Variants in SCUBE1 observed in about 807,000 individuals in gnomAD.
SCUBE1 encodes the protein signal peptide, CUB domain and EGF like domain containing 1.
In SCUBE1, 59 loss-of-function variants were observed where a neutral mutation model predicts 124.4. The ratio of observed to expected loss-of-function variants is 0.47; its 90% CI spans 0.38 to 0.59. The LOEUF is 0.59. Among genes scored for constraint, SCUBE1 ranks in the 20% least tolerant of loss-of-function variants. The pLI, the probability that SCUBE1 is intolerant of heterozygous loss-of-function variation, is 0.00. For missense variants in SCUBE1, 1,150 were observed against 1,371.2 expected, an observed-to-expected ratio of 0.84 and a Z score of 2.55; for synonymous variants, 545 against 550.9, an observed-to-expected ratio of 0.99 and a Z score of 0.15.
chr22:43,280,412 CCAT>C, intron 4 of SCUBE1, among the ~76,000 whole-genome samples: 2 of 141,018 alleles, frequency 1.4e-5, no homozygotes, highest in East Asian at 2.0e-4. Context: ...TTCCCCTCAC[CCAT>C]CCTCCTGTCC....
At chr22:43,263,342 C>T (rs1601838993) in intron 4 of SCUBE1, among the ~76,000 whole-genome samples, 1 of 152,108 alleles carries the variant, frequency 6.6e-6, no homozygotes, top group African/African-American at 2.4e-5. Flanking sequence ...ATTTGTGAGG[C>T]GTTTCTAGAA....
chr22:43,223,156 T>G lies in SCUBE1; in HGVS notation c.1268A>C (p.Lys423Thr). Residue 423 changes from lysine to threonine, a missense_variant, in exon 11 of 22, where the codon AAG becomes ACG. Physicochemically the swap from Lys to Thr is moderately conservative, Grantham distance 78. Around this residue, in one of 3 missense-constraint regions of SCUBE1, gnomAD observed 757 missense variants for 840.9 expected, o/e 0.90. Coordinates refer to ENST00000360835, the MANE Select transcript of SCUBE1 (RefSeq NM_173050.5). ...GAAGCAGCTCTCCACACCGCCTGCCTTGCTGCAGGACAGCTGGGCCCGGGG... is the reference window on the plus strand; with the variant it reads ...GAAGCAGCTCTCCACACCGCCTGCCGTGCTGCAGGACAGCTGGGCCCGGGG... The part of the protein sequence containing the change: ...TSPRAQLSCS[K>T]AGGVESCFLS... The G allele has an allele frequency of 6.4e-7, 1 of 1,561,086 alleles. No individual in the cohort carries two copies. Among genetic ancestry groups the G allele is most frequent in the Non-Finnish European group, 8.6e-7 (1 of 1,163,006 alleles).
chr22:43,235,485 C>T (rs896753830), intron 7 of SCUBE1, among the ~76,000 whole-genome samples: 3 of 152,038 alleles, frequency 2.0e-5, no homozygotes, highest in Non-Finnish European at 1.5e-5. Flanking sequence ...CTCGAGGGCA[C>T]CATTGCTCCC....
intron 1 of SCUBE1, among the ~76,000 whole-genome samples, chr22:43,342,354 G>C (rs555476142): frequency 6.1e-4 from 92 of 152,042 alleles, no homozygotes; most frequent in Middle Eastern, 3.4e-3. Flanking sequence ...GACGTCCCGC[G>C]TCCGGACTCT....
chr22:43,339,837 T>TTGCTC (rs1195730198), intron 1 of SCUBE1, among the ~76,000 whole-genome samples: 2 of 73,584 alleles, frequency 2.7e-5, no homozygotes, highest in Non-Finnish European at 5.0e-5. Flanking sequence ...CCCACAAGCA[T>TTGCTC]CACTCCAGCC....
chr22:43,208,871 G>C (rs1011196512), intron 19 of SCUBE1, among the ~76,000 whole-genome samples: 3 of 152,186 alleles, frequency 2.0e-5, no homozygotes, highest in African/African-American at 7.2e-5. Flanking sequence ...GCCCTGCCCA[G>C]CCTCTCCCCG....
intron 3 of SCUBE1, among the ~76,000 whole-genome samples, chr22:43,305,430 A>C (rs1342679099): frequency 1.3e-5 from 2 of 152,190 alleles, no homozygotes; most frequent in African/African-American, 4.8e-5. Context: ...TGCAGGGAGC[A>C]GGTCCCTCTG....
At chr22:43,320,088 G>T (rs1039729653) in intron 2 of SCUBE1, 23 bp from the exon 3 acceptor site, 1 of 1,612,710 alleles carries the variant, frequency 6.2e-7, no homozygotes, top group Non-Finnish European at 8.5e-7. Context: ...GGGCATGAGA[G>T]GTGTCAGAAG....
chr22:43,342,962 G>A (rs9612046), intron 1 of SCUBE1, among the ~76,000 whole-genome samples: 29 of 150,006 alleles, frequency 1.9e-4, no homozygotes, highest in Admixed American at 5.3e-4. Flanking sequence ...CCCACCCCTG[G>A]TGCGGCCCCG....
intron 5 of SCUBE1, among the ~76,000 whole-genome samples, chr22:43,259,722 A>C (rs1472430924): frequency 7.2e-5 from 11 of 152,310 alleles, no homozygotes; most frequent in Non-Finnish European, 1.0e-4. Flanking sequence ...AGTGCCTCAG[A>C]TGCTGTCCGC....
chr22:43,218,201 C>T, intron 15 of SCUBE1, 54 bp downstream of exon 15: 2 of 1,567,382 alleles, frequency 1.3e-6, no homozygotes, highest in Middle Eastern at 2.0e-4. Flanking sequence ...TACCCCGGCT[C>T]ATGTGCAAGG....
chr22:43,267,350 G>A (rs1233506394), intron 4 of SCUBE1, among the ~76,000 whole-genome samples: 1 of 152,152 alleles, frequency 6.6e-6, no homozygotes, highest in African/African-American at 2.4e-5. Context: ...AAGGAAGGAA[G>A]AAGAGAGAAA....
At chr22:43,259,260 C>A (rs930862313) in intron 5 of SCUBE1, among the ~76,000 whole-genome samples, 1 of 152,216 alleles carries the variant, frequency 6.6e-6, no homozygotes, top group Non-Finnish European at 1.5e-5. Context: ...GACAGCTGCA[C>A]GCCCATCATC....
chr22:43,222,077 A>G (rs1332450270), intron 12 of SCUBE1, among the ~76,000 whole-genome samples: 1 of 152,086 alleles, frequency 6.6e-6, no homozygotes, highest in Non-Finnish European at 1.5e-5. Flanking sequence ...AATAATAATA[A>G]TAATAATAAA....
chr22:43,241,859 G>A (rs1378424911), intron 6 of SCUBE1, among the ~76,000 whole-genome samples: 4 of 152,226 alleles, frequency 2.6e-5, no homozygotes, highest in Admixed American at 6.5e-5. Flanking sequence ...AGCAGTCCCC[G>A]GGACGCTCTC....
rs2146641202 is a variant in SCUBE1, at chr22:43,200,156, G to A, written c.*3841C>T. ...CCTGGGGTGCCATGCTCCATTAGGA[G>A]CTGACCCAAGCTCAGAGGAGCCTGG... On this transcript the variant is annotated 3_prime_UTR_variant, in exon 22 of 22. Coordinates refer to ENST00000360835, the MANE Select transcript of SCUBE1 (RefSeq NM_173050.5). 1 of 152,374 alleles carries A rather than the reference G, an allele frequency of 6.6e-6. No homozygotes were observed. Among genetic ancestry groups the A allele is most frequent in the South Asian group, 2.1e-4 (1 of 4,832 alleles). The allele number at this position is 152,374 out of a possible 1,614,324, so 9.4% of individuals were successfully genotyped here. A position where few individuals can be genotyped will look rare whatever the true frequency, so the allele number is the denominator to read the frequency against.
chr22:43,297,186 C>T (rs1925595646), intron 3 of SCUBE1, among the ~76,000 whole-genome samples: 1 of 152,258 alleles, frequency 6.6e-6, no homozygotes, highest in African/African-American at 2.4e-5. Context: ...CGCCACCTTG[C>T]CCGTCCATCT....
At chr22:43,297,320 T>C (rs903183564) in intron 3 of SCUBE1, among the ~76,000 whole-genome samples, 1 of 152,240 alleles carries the variant, frequency 6.6e-6, no homozygotes, top group Non-Finnish European at 1.5e-5. Flanking sequence ...GGGCAGTGGC[T>C]GCTGTGATGA....
chr22:43,338,000 G>A (rs868003264), intron 2 of SCUBE1, among the ~76,000 whole-genome samples: 1 of 152,136 alleles, frequency 6.6e-6, no homozygotes, highest in South Asian at 2.1e-4. Context: ...TGCTTCTCCT[G>A]TCTGAGCCTC....
Sources: gnomAD v4.1 joint callset for allele counts (sites outside exome capture counted in the v4.1 genomes callset) on GRCh38, gnomAD v4.1.1 for gene constraint, gnomAD v4.1.1 regional missense constraint, MANE v1.5 for transcripts, NCBI Gene and HGNC (gene_info 2026-07-23, HGNC 2026-07-21) for gene names.